GNG2: variants seen among roughly 807,000 people sequenced by gnomAD.
The protein encoded by GNG2 is G protein subunit gamma 2.
In GNG2, 5 loss-of-function variants were observed where a neutral mutation model predicts 5.5. That is an observed-to-expected ratio of 0.91 (90% CI 0.48 to 1.92). The LOEUF (loss-of-function observed/expected upper bound fraction) is 1.92, where lower values mean the gene tolerates loss of function less well. GNG2 is among the 30% of genes most tolerant of loss of function. GNG2 has a pLI of 0.01. For missense variants in GNG2, 55 were observed against 88.4 expected, an observed-to-expected ratio of 0.62 and a Z score of 1.52; for synonymous variants, 28 against 32.0, an observed-to-expected ratio of 0.88 and a Z score of 0.42.
intron 1 of GNG2, among the ~76,000 whole-genome samples, chr14:51,864,601 C>T (rs1882746164): frequency 6.6e-6 from 1 of 152,116 alleles, no homozygotes; most frequent in Non-Finnish European, 1.5e-5. Flanking sequence ...ATGTCCAGAA[C>T]CTGATAGTGA....
intron 1 of GNG2, among the ~76,000 whole-genome samples, chr14:51,865,458 TA>T (rs1882813635): frequency 6.6e-6 from 1 of 152,168 alleles, no homozygotes; most frequent in African/African-American, 2.4e-5. Context: ...AAAAATATAA[TA>T]AAAAATTTAT....
intron 2 of GNG2, among the ~76,000 whole-genome samples, chr14:51,943,279 G>A (rs557736119): frequency 6.6e-6 from 1 of 152,272 alleles, no homozygotes; most frequent in Admixed American, 6.5e-5. Context: ...TTGTCTTTAA[G>A]AGGTATGTAT....
chr14:51,961,067 A>G (rs1480097331), intron 3 of GNG2, among the ~76,000 whole-genome samples: 2 of 152,158 alleles, frequency 1.3e-5, no homozygotes, highest in African/African-American at 2.4e-5. Flanking sequence ...CTCCCTGTGC[A>G]GTGGCAGGCA....
chr14:51,861,804 A>T (rs1882505576), intron 1 of GNG2, among the ~76,000 whole-genome samples: 2 of 152,362 alleles, frequency 1.3e-5, no homozygotes, highest in South Asian at 4.1e-4. Flanking sequence ...ACCCTCATGC[A>T]GCACGATTTA....
chr14:51,958,122 A>G (rs1889375694), intron 3 of GNG2, among the ~76,000 whole-genome samples: 2 of 152,132 alleles, frequency 1.3e-5, no homozygotes, highest in Admixed American at 6.5e-5. Context: ...ATCATCATGT[A>G]TTTTGATGTT....
intron 3 of GNG2, among the ~76,000 whole-genome samples, chr14:51,965,031 C>T (rs144058141): frequency 5.2e-4 from 79 of 152,218 alleles, no homozygotes; most frequent in African/African-American, 1.8e-3. Context: ...TTCAGTCGGA[C>T]GAAGTGGTAT....
chr14:51,830,688 T>A (rs919272084), intron 2 of GNG2, among the ~76,000 whole-genome samples: 1 of 152,238 alleles, frequency 6.6e-6, no homozygotes, highest in African/African-American at 2.4e-5. Context: ...CCACTTCTCA[T>A]TACCACTTCG....
chr14:51,883,158 C>T lies in GNG2; in HGVS notation c.-30+5501C>T, dbSNP rs78400136. On this transcript the variant is annotated intron_variant, in intron 2 of 3. Transcript: ENST00000556766. ...GACATCCCCAAGCACCATTACCTGA[C>T]GGGGATTTGTTTCAAGGCATGACTG... Among the ~76,000 whole-genome samples, 58 of 152,102 alleles carry T rather than the reference C, an allele frequency of 3.8e-4. 1 individual carries two copies. The East Asian group carries it at 5.6e-3, about 15-fold the overall frequency.
upstream of GNG2, among the ~76,000 whole-genome samples, chr14:51,857,954 T>C (rs906989085): frequency 6.6e-6 from 1 of 152,216 alleles, no homozygotes; most frequent in Non-Finnish European, 1.5e-5. Flanking sequence ...GCCAAAATTA[T>C]GTCCTCCTCA....
intron 2 of GNG2, among the ~76,000 whole-genome samples, chr14:51,846,091 T>C (rs1403406074): frequency 1.3e-5 from 2 of 152,218 alleles, no homozygotes; most frequent in Admixed American, 1.3e-4. Flanking sequence ...CTGTGAATCC[T>C]ACTAGATTCA....
At chr14:51,912,107 C>G (rs1172560885) in intron 2 of GNG2, among the ~76,000 whole-genome samples, 2 of 127,858 alleles carry the variant, frequency 1.6e-5, no homozygotes, top group Admixed American at 8.0e-5. Context: ...CCCAGCATCA[C>G]CTATTGAGTA....
At chr14:51,907,708 G>A (rs1421155878) in intron 2 of GNG2, among the ~76,000 whole-genome samples, 1 of 152,200 alleles carries the variant, frequency 6.6e-6, no homozygotes, top group Admixed American at 6.5e-5. Flanking sequence ...TCATTTGAAG[G>A]TTTGATAACC....
At chr14:51,908,067 C>T (rs1024766598) in intron 2 of GNG2, among the ~76,000 whole-genome samples, 16 of 152,210 alleles carry the variant, frequency 1.1e-4, no homozygotes, top group African/African-American at 3.9e-4. Flanking sequence ...CAGGATGGTT[C>T]TGGCTCAGGC....
chr14:51,834,011 A>G (rs568487305), intron 2 of GNG2, among the ~76,000 whole-genome samples: 2 of 152,316 alleles, frequency 1.3e-5, no homozygotes, highest in Admixed American at 6.5e-5. Context: ...TGCAATACCA[A>G]CTGAATTAGT....
chr14:51,935,928 T>C (rs1325077103), intron 2 of GNG2, among the ~76,000 whole-genome samples: 1 of 152,138 alleles, frequency 6.6e-6, no homozygotes, highest in Non-Finnish European at 1.5e-5. Flanking sequence ...AGAGTCATGG[T>C]TCAGTGGGTT....
At chr14:51,837,641 C>T (rs113470259) in intron 2 of GNG2, among the ~76,000 whole-genome samples, 12,777 of 124,034 alleles carry the variant, frequency 0.1, 603 homozygotes, top group Middle Eastern at 0.22. Context: ...GGTGAGACTC[C>T]GTTTCAAAAA....
chr14:51,842,482 CG>C (rs1255619401), intron 2 of GNG2, among the ~76,000 whole-genome samples: 2 of 152,100 alleles, frequency 1.3e-5, no homozygotes, highest in Admixed American at 6.5e-5. Flanking sequence ...CACACGCAAA[CG>C]GAAGTGCTCA....
At chr14:51,900,232 T>C (rs1885460715) in intron 2 of GNG2, among the ~76,000 whole-genome samples, 1 of 152,194 alleles carries the variant, frequency 6.6e-6, no homozygotes, top group Non-Finnish European at 1.5e-5. Context: ...CTCATTGCCA[T>C]TTTTATTTGC....
intron 2 of GNG2, among the ~76,000 whole-genome samples, chr14:51,925,714 T>A (rs1887270243): frequency 6.6e-6 from 1 of 152,106 alleles, no homozygotes; most frequent in Admixed American, 6.5e-5. Flanking sequence ...CAGGTTCAAG[T>A]GACTCTCTTG....
Sources: allele counts gnomAD v4.1 joint callset (sites outside exome capture counted in the v4.1 genomes callset), GRCh38; gene constraint gnomAD v4.1.1; transcripts MANE v1.5; gene names NCBI Gene and HGNC (gene_info 2026-07-23, HGNC 2026-07-21).